ROBO2: variants seen among roughly 807,000 people sequenced by gnomAD.
ROBO2 encodes roundabout homolog 2.
In ROBO2, 53 loss-of-function variants were observed where a neutral mutation model predicts 160.8. That is an observed-to-expected ratio of 0.33 (90% CI 0.26 to 0.41). ROBO2 has a LOEUF of 0.41. Among genes scored for constraint, ROBO2 ranks in the 10% least tolerant of loss-of-function variants. ROBO2 has a pLI of 1.00. For synonymous variants in ROBO2, 664 were observed against 611.7 expected (o/e 1.09, Z -1.26); for missense variants, 1,577 against 1,722.4 (o/e 0.92, Z 1.49).
At chr3:76,152,804 T>C (rs1450934924) in intron 2 of ROBO2, among the ~76,000 whole-genome samples, 1 of 152,210 alleles carries the variant, frequency 6.6e-6, no homozygotes, top group African/African-American at 2.4e-5. Flanking sequence ...AATCACATTT[T>C]ATTCACTCAA....
chr3:77,533,984 C>T (rs903174403), intron 6 of ROBO2, among the ~76,000 whole-genome samples: 4 of 151,772 alleles, frequency 2.6e-5, no homozygotes, highest in African/African-American at 9.7e-5. Flanking sequence ...TCACTCTTGA[C>T]TTTAAGTATC....
intron 2 of ROBO2, among the ~76,000 whole-genome samples, chr3:76,687,790 AT>A (rs2092716200): frequency 6.6e-6 from 1 of 152,052 alleles, no homozygotes; most frequent in Admixed American, 6.6e-5. Context: ...TTACCATGAA[AT>A]ACCAAAAATG....
intron 2 of ROBO2, among the ~76,000 whole-genome samples, chr3:77,296,848 G>T (rs1331640795): frequency 1.3e-5 from 2 of 152,060 alleles, no homozygotes; most frequent in East Asian, 3.9e-4. Flanking sequence ...CCATTATACC[G>T]GTTTGGTGCT....
intron 2 of ROBO2, among the ~76,000 whole-genome samples, chr3:76,658,069 T>TG (rs1166668673): frequency 1.6e-4 from 1 of 6,450 alleles, no homozygotes; most frequent in African/African-American, 1.8e-4. Flanking sequence ...CCTGTCTGAA[T>TG]AAATAAATAA....
rs549579197 is a variant in ROBO2 at position 77,485,498 on chromosome 3, C to T, written c.667+4279C>T. On this transcript the variant is annotated intron_variant, in intron 4 of 25. Transcript: ENST00000461745. The stretch of plus-strand genomic sequence containing the variant: ...TTTACCCCAGTTTTCTGAAATGGTT[C>T]AATACATTACCTTAGTTTGACACTC... 1.9e-3 allele frequency among the ~76,000 whole-genome samples: 291 copies of T among 151,978 alleles called. 1 individual carries two copies. Among genetic ancestry groups the T allele is most frequent in the African/African-American group, 6.8e-3 (284 of 41,476 alleles).
At chr3:77,402,136 G>A (rs1162756395) in intron 2 of ROBO2, among the ~76,000 whole-genome samples, 1 of 151,686 alleles carries the variant, frequency 6.6e-6, no homozygotes, top group Admixed American at 6.6e-5. Flanking sequence ...GCAGGGATAT[G>A]GATGAACCTG....
At chr3:76,669,973 A>G (rs2092200678) in intron 2 of ROBO2, among the ~76,000 whole-genome samples, 1 of 152,102 alleles carries the variant, frequency 6.6e-6, no homozygotes, top group Non-Finnish European at 1.5e-5. Context: ...TCTTACAATC[A>G]TATTTTTCCT....
intron 2 of ROBO2, among the ~76,000 whole-genome samples, chr3:76,540,466 T>C (rs2082752942): frequency 6.6e-6 from 1 of 152,226 alleles, no homozygotes; most frequent in South Asian, 2.1e-4. Context: ...AAGCTGTTCT[T>C]TGCTACTAAC....
At chr3:76,295,700 C>T (rs1335888615) in intron 2 of ROBO2, among the ~76,000 whole-genome samples, 1 of 152,072 alleles carries the variant, frequency 6.6e-6, no homozygotes, top group Non-Finnish European at 1.5e-5. Flanking sequence ...ATCAAGAAAA[C>T]ATTAAAATGG....
At chr3:76,502,022 A>G (rs1413516066) in intron 2 of ROBO2, among the ~76,000 whole-genome samples, 2 of 147,224 alleles carry the variant, frequency 1.4e-5, no homozygotes, top group African/African-American at 5.4e-5. Context: ...GACTCCCATA[A>G]TCTTTAATAT....
chr3:76,117,186 G>T (rs940160147), intron 2 of ROBO2, among the ~76,000 whole-genome samples: 1 of 152,238 alleles, frequency 6.6e-6, no homozygotes, highest in Non-Finnish European at 1.5e-5. Context: ...AAGATGTGTT[G>T]TCAGAACACA....
chr3:76,155,933 C>G (rs916272804), intron 2 of ROBO2, among the ~76,000 whole-genome samples: 1 of 152,042 alleles, frequency 6.6e-6, no homozygotes, highest in African/African-American at 2.4e-5. Flanking sequence ...TCCTTTCTAC[C>G]TTTCCCTGTC....
intron 2 of ROBO2, among the ~76,000 whole-genome samples, chr3:76,915,613 T>C (rs1410308391): frequency 7.0e-6 from 1 of 143,232 alleles, no homozygotes; most frequent in East Asian, 2.0e-4. Context: ...GAGGTTGCAG[T>C]GAGCCAAGAT....
At position 76,095,749 on chromosome 3, in the gene ROBO2, G is replaced by GACAC. The variant is rs59290141; in HGVS notation, c.109+158183_109+158186dup. Among the ~76,000 whole-genome samples the GACAC allele has an allele frequency of 1.9e-3, 274 of 148,052 alleles. 1 individual carries two copies. The highest frequency in any genetic ancestry group is 9.0e-3 in the South Asian group (42 of 4,680). ...TATATACAAGACACATAGTATGCTT[G>GACAC]ACACACACACACACACACACACACA... is the stretch of plus-strand genomic sequence containing the variant. On this transcript the variant is annotated intron_variant, in intron 2 of 26. Coordinates refer to the ROBO2 transcript ENST00000487694.
At chr3:76,262,237 G>A (rs556918243) in intron 2 of ROBO2, among the ~76,000 whole-genome samples, 2 of 151,892 alleles carry the variant, frequency 1.3e-5, no homozygotes, top group African/African-American at 4.8e-5. Context: ...ATATTATAAT[G>A]TAGTTAGTAT....
chr3:76,794,072 GA>G (rs923317036), intron 2 of ROBO2, among the ~76,000 whole-genome samples: 1 of 151,792 alleles, frequency 6.6e-6, no homozygotes, highest in Non-Finnish European at 1.5e-5. Flanking sequence ...CTTGAATCTT[GA>G]AATCTTGTAA....
At chr3:76,201,103 AAAAC>A (rs1305410120) in intron 2 of ROBO2, among the ~76,000 whole-genome samples, 1 of 152,170 alleles carries the variant, frequency 6.6e-6, no homozygotes, top group African/African-American at 2.4e-5. Flanking sequence ...GCAAAACAAC[AAAAC>A]AAACCCTGAG....
chr3:77,184,195 G>GT (rs1420851581), intron 2 of ROBO2, among the ~76,000 whole-genome samples: 3 of 151,932 alleles, frequency 2.0e-5, no homozygotes, highest in Non-Finnish European at 4.4e-5. Flanking sequence ...AAGTGTATGC[G>GT]TTTTCTCCTT....
intron 2 of ROBO2, among the ~76,000 whole-genome samples, chr3:76,186,548 C>T (rs944533958): frequency 6.6e-6 from 1 of 151,964 alleles, no homozygotes; most frequent in African/African-American, 2.4e-5. Context: ...CTCACTGGAT[C>T]CCATTCCTCT....
Sources: allele counts gnomAD v4.1 joint callset (sites outside exome capture counted in the v4.1 genomes callset), GRCh38; gene constraint gnomAD v4.1.1; transcripts MANE v1.5; gene names NCBI Gene and HGNC (gene_info 2026-07-23, HGNC 2026-07-21).